Variants in IL17RD observed in about 807,000 individuals in gnomAD.
IL17RD encodes the protein interleukin 17 receptor D.
A neutral mutation model predicts 80.5 loss-of-function variants in IL17RD; 52 were observed. That is an observed-to-expected ratio of 0.65 (90% CI 0.52 to 0.81). The LOEUF (loss-of-function observed/expected upper bound fraction) is 0.81, where lower values mean the gene tolerates loss of function less well. Among genes scored for constraint, IL17RD ranks in the 40% least tolerant of loss-of-function variants. The pLI, the probability that IL17RD is intolerant of heterozygous loss-of-function variation, is 0.00. For missense variants in IL17RD, 1,024 were observed against 955.1 expected (o/e 1.07, Z -0.95); for synonymous variants, 416 against 391.8 (o/e 1.06, Z -0.73).
intron 1 of IL17RD, among the ~76,000 whole-genome samples, chr3:57,161,533 T>C (rs1375986887): frequency 6.6e-6 from 1 of 152,236 alleles, no homozygotes; most frequent in African/African-American, 2.4e-5. Flanking sequence ...GAAGGAGTAG[T>C]GTTTTCTTGC....
chr3:57,101,288 A>G lies in IL17RD; in HGVS notation c.1055T>C (p.Leu352Pro). 1 of 1,613,276 alleles carries G rather than the reference A, an allele frequency of 6.2e-7. No homozygotes were observed. Among genetic ancestry groups the G allele is most frequent in the South Asian group, 1.1e-5 (1 of 91,004 alleles). Residue 352 changes from leucine (L) to proline (P), a missense_variant, in exon 11 of 13, where the codon CTC becomes CCC. Coordinates refer to ENST00000296318, the MANE Select transcript of IL17RD (RefSeq NM_017563.5). ...GAGAAAGACCTTCGGCCGCGGCCGG[A>G]GCCTCTCTCTTGGGAGTGCTGCAGT... ...TYTAALPRER[L>P]RPRPKVFLCY... is the part of the protein sequence containing the mutation.
intron 3 of IL17RD, among the ~76,000 whole-genome samples, chr3:57,112,246 A>G (rs1245722140): frequency 2.6e-5 from 4 of 152,208 alleles, no homozygotes; most frequent in Admixed American, 6.5e-5. Flanking sequence ...CCCAACAACC[A>G]CAGAAGGAAG....
At chr3:57,113,136 T>C (rs1408248217) in intron 3 of IL17RD, among the ~76,000 whole-genome samples, 1 of 152,238 alleles carries the variant, frequency 6.6e-6, no homozygotes, top group Non-Finnish European at 1.5e-5. Context: ...TTCCTGTGTA[T>C]CTTCAATTCA....
At chr3:57,164,252 G>C (rs899320169) in intron 1 of IL17RD, among the ~76,000 whole-genome samples, 2 of 152,222 alleles carry the variant, frequency 1.3e-5, no homozygotes, top group Non-Finnish European at 2.9e-5. Context: ...CCGGGCCTCG[G>C]TGGGAGACTC....
At chr3:57,143,551 G>A (rs1035589259) in intron 1 of IL17RD, among the ~76,000 whole-genome samples, 1 of 152,216 alleles carries the variant, frequency 6.6e-6, no homozygotes, top group African/African-American at 2.4e-5. Flanking sequence ...GGAGGCTGGG[G>A]AGCTGTGCTT....
intron 1 of IL17RD, among the ~76,000 whole-genome samples, chr3:57,154,283 TACAC>T (rs1553628627): frequency 2.7e-5 from 3 of 112,908 alleles, no homozygotes; most frequent in Admixed American, 1.1e-4. Flanking sequence ...TATATATATA[TACAC>T]ACACACACAC....
intron 2 of IL17RD, among the ~76,000 whole-genome samples, chr3:57,116,890 TAAAA>T (rs35526728): frequency 7.3e-5 from 10 of 136,378 alleles, no homozygotes; most frequent in Non-Finnish European, 1.1e-4. Flanking sequence ...CCCAAAATAT[TAAAA>T]AAAAAAAAAA....
Position 57,106,161 on chromosome 3 carries a change from A to G in IL17RD, c.551-7T>C, listed in dbSNP as rs992838011. The G allele has an allele frequency of 6.2e-7, 1 of 1,605,674 alleles. No individual in the cohort carries two copies. The highest frequency in any genetic ancestry group is 1.3e-5 in the African/African-American group (1 of 74,942). Reference sequence around the variant, plus strand: ...TGTAACAACAGGTCACAGGCTATTAAGAGAATAAAGATACATGTTTTTAGT... The same window carrying G: ...TGTAACAACAGGTCACAGGCTATTAGGAGAATAAAGATACATGTTTTTAGT... On this transcript the variant is annotated splice_region_variant and splice_polypyrimidine_tract_variant and intron_variant, in intron 5 of 12. Transcript: ENST00000296318.
chr3:57,104,253 T>C (rs1396180920), intron 8 of IL17RD, 89 bp downstream of exon 8: 2 of 896,916 alleles, frequency 2.2e-6, no homozygotes, highest in Non-Finnish European at 3.6e-6. Flanking sequence ...CTTCAATAGC[T>C]TGAAATTTTA....
chr3:57,136,641 C>CCAAAA (rs1707735224), intron 1 of IL17RD, among the ~76,000 whole-genome samples: 2 of 48,112 alleles, frequency 4.2e-5, no homozygotes, highest in East Asian at 5.3e-4. Flanking sequence ...AACCCCCACT[C>CCAAAA]AAAAAAAAAA....
chr3:57,095,586 C>T lies in IL17RD; in HGVS notation c.*807G>A, dbSNP rs1428340204. 1 of 152,218 alleles carries T rather than the reference C, an allele frequency of 6.6e-6. No homozygotes were observed. Among genetic ancestry groups the T allele is most frequent in the African/African-American group, 2.4e-5 (1 of 41,450 alleles). The allele number at this position is 152,218 out of a possible 1,614,324, so 9.4% of individuals were successfully genotyped here. A position where few individuals can be genotyped will look rare whatever the true frequency, so the allele number is the denominator to read the frequency against. On this transcript the variant is annotated 3_prime_UTR_variant, in exon 13 of 13. Coordinates refer to ENST00000296318, the MANE Select transcript of IL17RD (RefSeq NM_017563.5). Reference sequence around the variant, plus strand: ...TTAAGAATAAACTTCCAGACACCAACATCTGAGATACAGCACAGTAAATGT... The same window carrying T: ...TTAAGAATAAACTTCCAGACACCAATATCTGAGATACAGCACAGTAAATGT...
At chr3:57,124,872 C>T (rs1707416944) in intron 1 of IL17RD, among the ~76,000 whole-genome samples, 1 of 152,194 alleles carries the variant, frequency 6.6e-6, no homozygotes, top group Non-Finnish European at 1.5e-5. Context: ...GAGCTGATCC[C>T]TGTCCTTGTG....
chr3:57,135,625 A>C (rs890560228), intron 1 of IL17RD, among the ~76,000 whole-genome samples: 1 of 152,212 alleles, frequency 6.6e-6, no homozygotes, highest in Admixed American at 6.5e-5. Flanking sequence ...TAATATATAT[A>C]ACATTTGCTC....
In IL17RD at chr3:57,147,459, T is replaced by TA. The variant is rs564789966; in HGVS notation, c.126+17701dup. 1.5e-3 allele frequency among the ~76,000 whole-genome samples: 221 copies of TA among 152,356 alleles called. 3 individuals are homozygous for TA. Among genetic ancestry groups the TA allele is most frequent in the Non-Finnish European group, 4.1e-4 (28 of 68,030 alleles). On this transcript the variant is annotated intron_variant, in intron 1 of 12. Transcript: ENST00000296318. ...TCCCAGTAAACTGGTTCAGTCATTA[T>TA]ACAGGACAAGCTGGTAAACATGTAT...
chr3:57,119,910 C>T (rs1234654906), intron 2 of IL17RD, among the ~76,000 whole-genome samples: 1 of 152,192 alleles, frequency 6.6e-6, no homozygotes, highest in African/African-American at 2.4e-5. Context: ...CCATACTGTC[C>T]ACCATTCCCT....
chr3:57,114,133 G>A (rs549567157), intron 3 of IL17RD, among the ~76,000 whole-genome samples: 4 of 150,994 alleles, frequency 2.6e-5, no homozygotes, highest in South Asian at 2.1e-4. Flanking sequence ...GCAGTGAGCC[G>A]AGATCGCACC....
intron 3 of IL17RD, among the ~76,000 whole-genome samples, chr3:57,113,309 C>T (rs993173769): frequency 6.6e-6 from 1 of 152,182 alleles, no homozygotes; most frequent in Admixed American, 6.5e-5. Context: ...GCGATCTCGG[C>T]TCACCGCAAC....
intron 2 of IL17RD, 121 bp from the exon 3 acceptor site, chr3:57,114,938 G>C: frequency 1.3e-6 from 1 of 786,806 alleles, no homozygotes; most frequent in Non-Finnish European, 1.9e-6. Context: ...TTAAAGATGT[G>C]TCCCTCAAAA....
At chr3:57,099,545 C>T (rs988115079) in intron 11 of IL17RD, among the ~76,000 whole-genome samples, 10 of 152,232 alleles carry the variant, frequency 6.6e-5, no homozygotes, top group Non-Finnish European at 1.3e-4. Flanking sequence ...CTTTGTTCTC[C>T]TCTTCTGCTC....
Sources: allele counts gnomAD v4.1 joint callset (sites outside exome capture counted in the v4.1 genomes callset), GRCh38; gene constraint gnomAD v4.1.1; transcripts MANE v1.5; gene names NCBI Gene and HGNC (gene_info 2026-07-23, HGNC 2026-07-21).